FBXO34: variants seen among roughly 807,000 people sequenced by gnomAD.
FBXO34 encodes the protein F-box protein 34, also known as F-box only protein 34.
In FBXO34, 12 loss-of-function variants were observed where a neutral mutation model predicts 24.5. That is an observed-to-expected ratio of 0.49 (90% CI 0.31 to 0.79). The LOEUF (loss-of-function observed/expected upper bound fraction) is 0.79. Among genes scored for constraint, FBXO34 ranks in the 30% least tolerant of loss-of-function variants. The pLI is 0.04. For missense variants in FBXO34, 823 were observed against 857.7 expected, an observed-to-expected ratio of 0.96 and a Z score of 0.51; for synonymous variants, 320 against 311.9, an observed-to-expected ratio of 1.03 and a Z score of -0.27.
chr14:55,381,834 G>A, the FBXO34 span: 1 of 721,838 alleles, frequency 1.4e-6, no homozygotes, highest in Non-Finnish European at 2.3e-6. Flanking sequence ...TGGAGGTGAT[G>A]GGAGCACAGT....
At chr14:55,328,050 A>G (rs555595875) in intron 1 of FBXO34, among the ~76,000 whole-genome samples, 1 of 147,804 alleles carries the variant, frequency 6.8e-6, no homozygotes, top group African/African-American at 2.5e-5. Flanking sequence ...TCCGCCTCCC[A>G]AGTTCTGCCT....
chr14:55,330,109 T>A (rs1357140005), intron 1 of FBXO34, among the ~76,000 whole-genome samples: 4 of 152,194 alleles, frequency 2.6e-5, no homozygotes, highest in Non-Finnish European at 2.9e-5. Context: ...CATCCAAATT[T>A]AGTTTTAGTT....
chr14:55,411,557 G>A, the FBXO34 span: 13 of 1,548,294 alleles, frequency 8.4e-6, 1 homozygote, highest in South Asian at 7.1e-5. Context: ...CCTGGCTGGA[G>A]GACACACAGC....
At chr14:55,423,594 T>C in the FBXO34 span, among the ~76,000 whole-genome samples, 1 of 152,260 alleles carries the variant, frequency 6.6e-6, no homozygotes, top group Admixed American at 6.5e-5. Context: ...TGTTAGCCTA[T>C]GAGCTAAGAA....
At chr14:55,358,299 G>C, downstream of FBXO34, among the ~76,000 whole-genome samples, 1 of 152,190 alleles carries the variant, frequency 6.6e-6, no homozygotes, top group East Asian at 1.9e-4. Flanking sequence ...CTCCATGCAG[G>C]GTCTTGAAAG....
the FBXO34 span, chr14:55,414,576 T>C: frequency 7.6e-6 from 5 of 656,356 alleles, no homozygotes; most frequent in Non-Finnish European, 7.2e-6. Context: ...TAGCTGTACC[T>C]GAGAAATGGC....
chr14:55,368,305 C>G (rs1884729787), downstream of FBXO34: 1 of 152,570 alleles, frequency 6.6e-6, no homozygotes, highest in African/African-American at 2.4e-5. Flanking sequence ...ACTGCAACCT[C>G]TGCCTCCCGG....
the FBXO34 span, among the ~76,000 whole-genome samples, chr14:55,432,360 C>T: frequency 2.0e-5 from 3 of 150,996 alleles, no homozygotes; most frequent in African/African-American, 7.3e-5. Context: ...TTGCAGTGAG[C>T]CCAGATCACA....
chr14:55,420,117 C>T, the FBXO34 span, among the ~76,000 whole-genome samples: 4 of 152,210 alleles, frequency 2.6e-5, no homozygotes, highest in African/African-American at 9.6e-5. Context: ...GTTACCCAGG[C>T]TAGAGTGCAG....
intron 1 of FBXO34, among the ~76,000 whole-genome samples, chr14:55,291,222 G>T (rs1027649572): frequency 3.3e-5 from 5 of 151,956 alleles, no homozygotes; most frequent in Non-Finnish European, 7.4e-5. Context: ...TCATATCCTT[G>T]CTGACACAGT....
At chr14:55,405,587 A>G in the FBXO34 span, among the ~76,000 whole-genome samples, 2 of 152,128 alleles carry the variant, frequency 1.3e-5, no homozygotes, top group Non-Finnish European at 2.9e-5. Context: ...CCATTCCCCC[A>G]CCTAACATGA....
chr14:55,411,476 T>C, the FBXO34 span: 4 of 931,930 alleles, frequency 4.3e-6, no homozygotes, highest in Non-Finnish European at 6.4e-6. Flanking sequence ...CTAGCTACAC[T>C]CCCTCTCTCT....
At chr14:55,324,790 T>C (rs1292555275) in intron 1 of FBXO34, among the ~76,000 whole-genome samples, 4 of 152,242 alleles carry the variant, frequency 2.6e-5, no homozygotes, top group Non-Finnish European at 5.9e-5. Flanking sequence ...CAGGAATAAG[T>C]GCTTGTCTTA....
At chr14:55,442,187 A>G in the FBXO34 span, among the ~76,000 whole-genome samples, 1 of 150,874 alleles carries the variant, frequency 6.6e-6, no homozygotes, top group Non-Finnish European at 1.5e-5. Context: ...TCAGGAGTTC[A>G]AGACCAGCCT....
At chr14:55,285,370 C>CAA in intron 1 of FBXO34, 1 of 147,424 alleles carries the variant, frequency 6.8e-6, no homozygotes, top group East Asian at 2.0e-4. Context: ...AACTCTGTCT[C>CAA]AGAAAAAAAA....
At chr14:55,380,959 C>T in the FBXO34 span, among the ~76,000 whole-genome samples, 2 of 148,740 alleles carry the variant, frequency 1.3e-5, no homozygotes, top group Non-Finnish European at 3.0e-5. Context: ...TAAAGTCTGA[C>T]CTGTGTGAAC....
the FBXO34 span, among the ~76,000 whole-genome samples, chr14:55,411,388 G>A: frequency 6.6e-6 from 1 of 152,194 alleles, no homozygotes; most frequent in African/African-American, 2.4e-5. Context: ...CCTCTTGGGT[G>A]GGTGATGGGG....
intron 1 of FBXO34, among the ~76,000 whole-genome samples, chr14:55,307,093 T>C (rs764720028): frequency 1.3e-5 from 2 of 152,252 alleles, no homozygotes; most frequent in African/African-American, 2.4e-5. Flanking sequence ...GCTATGTATA[T>C]GTGCTTTGGC....
At chr14:55,331,705 G>GTATATATA (rs563184455) in intron 1 of FBXO34, among the ~76,000 whole-genome samples, 2 of 26,936 alleles carry the variant, frequency 7.4e-5, no homozygotes, top group African/African-American at 5.3e-4. Context: ...ATATATATAT[G>GTATATATA]TATATATATA....
Sources: gnomAD v4.1 joint callset for allele counts (sites outside exome capture counted in the v4.1 genomes callset) on GRCh38, gnomAD v4.1.1 for gene constraint, MANE v1.5 for transcripts, NCBI Gene and HGNC (gene_info 2026-07-23, HGNC 2026-07-21) for gene names.